The following FGF18 variants were observed in gnomAD, a reference collection of about 807,000 sequenced individuals.
The protein encoded by FGF18 is fibroblast growth factor 18.
A neutral mutation model predicts 23.0 loss-of-function variants in FGF18; 5 were observed. That is an observed-to-expected ratio of 0.22 (90% CI 0.11 to 0.46). FGF18 has a LOEUF of 0.46. Ranked by LOEUF, FGF18 falls within the 20% of genes least tolerant of loss-of-function variation. The pLI is 0.99. For synonymous variants in FGF18, 117 were observed against 118.9 expected, an observed-to-expected ratio of 0.98 and a Z score of 0.10; for missense variants, 180 against 291.6, an observed-to-expected ratio of 0.62 and a Z score of 2.79.
chr5:171,451,529 G>T lies in FGF18; in HGVS notation c.357+2276G>T, dbSNP rs1772507787. Among the ~76,000 whole-genome samples, 1 of 152,104 alleles carries T rather than the reference G, an allele frequency of 6.6e-6. No individual in the cohort carries two copies. Among genetic ancestry groups the T allele is most frequent in the African/African-American group, 2.4e-5 (1 of 41,414 alleles). On this transcript the variant is annotated intron_variant, in intron 4 of 4. Coordinates refer to ENST00000274625, the MANE Select transcript of FGF18 (RefSeq NM_003862.3). This position sits in a 1 kb window ranked among gnomAD's most constrained non-coding sequence, Gnocchi z 4.5. ...GCCTCCTACCATCCCGGAAATCGTT[G>T]CCCCAGCCGCCTGGCGTGTGGCTTC... is the stretch of plus-strand genomic sequence containing the variant.
At chr5:171,421,224 G>T (rs1772001666) in intron 2 of FGF18, among the ~76,000 whole-genome samples, 1 of 152,146 alleles carries the variant, frequency 6.6e-6, no homozygotes, top group African/African-American at 2.4e-5. Flanking sequence ...TTCCAAAGCC[G>T]TAGAAATGAA....
intron 2 of FGF18, 144 bp downstream of exon 2, chr5:171,420,587 C>A: frequency 1.3e-6 from 1 of 787,410 alleles, no homozygotes; most frequent in Non-Finnish European, 2.0e-6. Flanking sequence ...CGCGGAAGGG[C>A]GGCTCCGCGT....
At chr5:171,425,602 T>C (rs539352204) in intron 2 of FGF18, among the ~76,000 whole-genome samples, 14 of 145,300 alleles carry the variant, frequency 9.6e-5, no homozygotes, top group Admixed American at 1.5e-4. Flanking sequence ...GTGATCTCGG[T>C]TCACTGTAAG....
chr5:171,441,130 TGGGA>T (rs1772336996), intron 3 of FGF18, among the ~76,000 whole-genome samples: 1 of 152,182 alleles, frequency 6.6e-6, no homozygotes, highest in Non-Finnish European at 1.5e-5. Flanking sequence ...GTGGTGGAGC[TGGGA>T]GGGAGTCCTC....
chr5:171,456,037 G>T lies in FGF18; in HGVS notation c.358-502G>T, dbSNP rs898397931. On this transcript the variant is annotated intron_variant, in intron 4 of 4. Transcript: ENST00000274625. The surrounding 1 kb of genome is among the most constrained non-coding windows in gnomAD (Gnocchi z 6.1). ...CCACAGCCTCCTGCCCATGCCCCTT[G>T]TACCTGCTGTCTCCTCTCTCTCCTC... Among the ~76,000 whole-genome samples the T allele has an allele frequency of 6.6e-6, 1 of 152,184 alleles. No individual in the cohort carries two copies. Among genetic ancestry groups the T allele is most frequent in the African/African-American group, 2.4e-5 (1 of 41,440 alleles).
chr5:171,451,970 C>T lies in FGF18; in HGVS notation c.357+2717C>T, dbSNP rs1218613434. ...TTGTCACTGTTTGTCTTTGTGCCTG[C>T]ATCCTCTGTCACACTGGGAACTCCC... On this transcript the variant is annotated intron_variant, in intron 4 of 4. Transcript: ENST00000274625. The surrounding 1 kb of genome is among the most constrained non-coding windows in gnomAD (Gnocchi z 4.5). Among the ~76,000 whole-genome samples the T allele has an allele frequency of 6.6e-6, 1 of 152,230 alleles. No homozygotes were observed. The highest frequency in any genetic ancestry group is 1.5e-5 in the Non-Finnish European group (1 of 68,044).
chr5:171,431,241 G>T (rs1482175201), intron 2 of FGF18, among the ~76,000 whole-genome samples: 1 of 152,172 alleles, frequency 6.6e-6, no homozygotes, highest in African/African-American at 2.4e-5. Context: ...TTTTCATCAC[G>T]TGGAAGGTTC....
intron 3 of FGF18, among the ~76,000 whole-genome samples, chr5:171,437,575 C>G (rs1772269444): frequency 6.6e-6 from 1 of 152,206 alleles, no homozygotes; most frequent in Non-Finnish European, 1.5e-5. Flanking sequence ...TCCCCCTCCC[C>G]ACCAGCTCTG....
intron 3 of FGF18, among the ~76,000 whole-genome samples, chr5:171,437,640 C>T (rs1446437134): frequency 6.6e-6 from 1 of 152,226 alleles, no homozygotes; most frequent in Non-Finnish European, 1.5e-5. Flanking sequence ...AGGCCCTCTG[C>T]TGGCTGCCTC....
In FGF18 at chr5:171,437,494, C is replaced by T. The variant is rs559004199; in HGVS notation, c.250+1221C>T. Among the ~76,000 whole-genome samples, 9 of 152,278 alleles carry T rather than the reference C, an allele frequency of 5.9e-5. No individual in the cohort carries two copies. In the South Asian group the frequency reaches 1.9e-3, roughly 32 times the overall value. On this transcript the variant is annotated intron_variant, in intron 3 of 4. Transcript: ENST00000274625. Reference sequence around the variant, plus strand: ...CACTCTTTACCGCCTCCGTTCCCCTCCCACTCTCTTTCCCCTTCTTCCTTT... The same window carrying T: ...CACTCTTTACCGCCTCCGTTCCCCTTCCACTCTCTTTCCCCTTCTTCCTTT...
At chr5:171,420,949 G>A (rs888157941) in intron 2 of FGF18, among the ~76,000 whole-genome samples, 1 of 152,190 alleles carries the variant, frequency 6.6e-6, no homozygotes, top group Non-Finnish European at 1.5e-5. Context: ...ACACATGCCC[G>A]GGACGAGGGG....
intron 4 of FGF18, 147 bp downstream of exon 4, chr5:171,449,400 T>TGTGTGAGAGA (rs1458322429): frequency 3.3e-5 from 12 of 363,340 alleles, no homozygotes; most frequent in South Asian, 1.0e-4. Context: ...TGTGTGTGTG[T>TGTGTGAGAGA]GAGAGAGAGA....
intron 2 of FGF18, among the ~76,000 whole-genome samples, chr5:171,428,089 G>A (rs926402618): frequency 2.6e-5 from 4 of 152,202 alleles, no homozygotes; most frequent in Admixed American, 6.5e-5. Context: ...TGTGAGCTGC[G>A]TATCTGCATT....
chr5:171,423,510 GGT>G (rs1491461446), intron 2 of FGF18, among the ~76,000 whole-genome samples: 1 of 152,174 alleles, frequency 6.6e-6, no homozygotes, highest in Non-Finnish European at 1.5e-5. Flanking sequence ...GGCTCGGCGG[GGT>G]GGGGGGGCAT....
At chr5:171,427,931 C>T (rs1772121153) in intron 2 of FGF18, among the ~76,000 whole-genome samples, 1 of 152,138 alleles carries the variant, frequency 6.6e-6, no homozygotes, top group African/African-American at 2.4e-5. Context: ...GGCCGTGTGA[C>T]CGAGTGATTG....
At chr5:171,423,642 G>C (rs867897563) in intron 2 of FGF18, among the ~76,000 whole-genome samples, 1 of 151,996 alleles carries the variant, frequency 6.6e-6, no homozygotes. Context: ...CCCCCTCTCG[G>C]CCTGACCACC....
rs932804572 is a variant in FGF18 at position 171,419,748 on chromosome 5, C to A, written c.-452C>A. 1.3e-5 allele frequency: 2 copies of A among 151,630 alleles called. No individual in the cohort carries two copies. Among genetic ancestry groups the A allele is most frequent in the African/African-American group, 4.8e-5 (2 of 41,502 alleles). 9.4% of individuals were successfully genotyped at this position (151,630 alleles called of 1,614,324 possible). Reference sequence around the variant, plus strand: ...GTGACGCTTTCGCGCTGCAGCCGCGCGCCCCGACCCCGGAGCGCTGACCCC... The same window carrying A: ...GTGACGCTTTCGCGCTGCAGCCGCGAGCCCCGACCCCGGAGCGCTGACCCC... On this transcript the variant is annotated 5_prime_UTR_variant, in exon 1 of 5. Coordinates refer to ENST00000274625, the MANE Select transcript of FGF18 (RefSeq NM_003862.3).
rs920063503 is a variant in FGF18, at chr5:171,451,230, C to A, written c.357+1977C>A. ...CGGAGGGAGGCCCGGCCCCGGCCCC[C>A]GGCGCCTCCCCCGCTCCCGCCCAGG... On this transcript the variant is annotated intron_variant, in intron 4 of 4. Transcript: ENST00000274625. The surrounding 1 kb of genome is among the most constrained non-coding windows in gnomAD (Gnocchi z 4.5). Among the ~76,000 whole-genome samples, 2 of 152,106 alleles carry A rather than the reference C, an allele frequency of 1.3e-5. No individual in the cohort carries two copies. The highest frequency in any genetic ancestry group is 2.9e-5 in the Non-Finnish European group (2 of 67,974).
Position 171,443,500 on chromosome 5 carries a change from C to CTTT in FGF18, c.251-5647_251-5646insTTT, listed in dbSNP as rs766926286. Among the ~76,000 whole-genome samples, 34 of 70,468 alleles carry CTTT rather than the reference C, an allele frequency of 4.8e-4. 4 individuals carry two copies. The highest frequency in any genetic ancestry group is 5.8e-4 in the South Asian group (1 of 1,724). 46.2% of individuals were successfully genotyped at this position (70,468 alleles called of 152,430 possible). A position where few individuals can be genotyped will look rare whatever the true frequency, so the allele number is the denominator to read the frequency against. Reference sequence around the variant, plus strand: ...TCAGATAAGTATTCACTGTTATCATCATTTTTTTTTTTTTTTTTTTTTTTT... The same window carrying CTTT: ...TCAGATAAGTATTCACTGTTATCATCTTTATTTTTTTTTTTTTTTTTTTTTTTT... On this transcript the variant is annotated intron_variant, in intron 3 of 4. Coordinates refer to ENST00000274625, the MANE Select transcript of FGF18 (RefSeq NM_003862.3).
Sources: gnomAD v4.1 joint callset for allele counts (sites outside exome capture counted in the v4.1 genomes callset) on GRCh38, gnomAD v4.1.1 for gene constraint, Gnocchi (gnomAD v3.1) non-coding constraint, MANE v1.5 for transcripts, NCBI Gene and HGNC (gene_info 2026-07-23, HGNC 2026-07-21) for gene names.